Variants in EMG1 observed in about 807,000 individuals in gnomAD.
The protein encoded by EMG1 is ribosomal RNA small subunit methyltransferase NEP1.
EMG1 carries 24 observed loss-of-function variants against 26.9 expected under a neutral mutation model. The ratio of observed to expected loss-of-function variants is 0.89; its 90% confidence interval spans 0.65 to 1.26. The LOEUF (loss-of-function observed/expected upper bound fraction) is 1.26. EMG1 is among the 50% of genes most tolerant of loss of function. The pLI is 0.00. For synonymous variants in EMG1, 140 were observed against 112.6 expected (o/e 1.24, Z -1.54); for missense variants, 299 against 307.6 (o/e 0.97, Z 0.21).
exon 8 of EMG1, chr12:6,997,379 A>ATGTGTG (rs201579525): frequency 0.059 from 6,697 of 114,014 alleles, 256 homozygotes; most frequent in East Asian, 0.087. Flanking sequence ...ACAGCAAATT[A>ATGTGTG]TGTGTGTGTG....
At chr12:6,981,142 C>A, downstream of EMG1, 4 of 1,613,256 alleles carry the variant, frequency 2.5e-6, no homozygotes, top group Non-Finnish European at 3.4e-6. Context: ...GGAAGGAACA[C>A]CACGTATGGC....
chr12:6,975,053 C>T lies in EMG1; in HGVS notation c.413-37C>T, dbSNP rs782203986. On this transcript the variant is annotated intron_variant, in intron 3 of 5. Transcript: ENST00000599672. The stretch of plus-strand genomic sequence containing the variant: ...GATGACTGGACAGAAGGACTGTGGT[C>T]TCCATCTAGCTCTGAACTCTTTTTT... The T allele has an allele frequency of 1.9e-5, 30 of 1,603,568 alleles. No individual in the cohort carries two copies. In the East Asian group the frequency reaches 6.7e-4, roughly 36 times the overall value.
rs906784380 is a variant in EMG1 at position 6,970,986 on chromosome 12, C to A, written c.63C>A (p.Asp21Glu). Residue 21 changes from aspartate to glutamate, a missense_variant, in exon 1 of 6, where the codon GAC becomes GAA. Coordinates refer to ENST00000599672, the MANE Select transcript of EMG1 (RefSeq NM_006331.8). ...GAAGCGGTGGGGAGCAGGCACAGGA[C>A]TGGGATGCTCTGCCACCCAAGCGGC... Reference protein sequence around the residue: ...RERSGGEQAQDWDALPPKRPR... With the variant: ...RERSGGEQAQEWDALPPKRPR... The A allele has an allele frequency of 1.2e-6, 2 of 1,612,434 alleles. No individual in the cohort carries two copies. Among genetic ancestry groups the A allele is most frequent in the South Asian group, 2.2e-5 (2 of 90,742 alleles).
chr12:6,974,328 C>T lies in EMG1; in HGVS notation c.169-11C>T. The T allele has an allele frequency of 1.3e-6, 2 of 1,594,212 alleles. No homozygotes were observed. The highest frequency in any genetic ancestry group is 1.7e-6 in the Non-Finnish European group (2 of 1,163,960). Reference sequence around the variant, plus strand: ...TTATGCTGTTCTCTCGTCATGTTCCCTGTTCTTCAGGTAGGGAAGACATAT... The same window carrying T: ...TTATGCTGTTCTCTCGTCATGTTCCTTGTTCTTCAGGTAGGGAAGACATAT... On this transcript the variant is annotated splice_polypyrimidine_tract_variant and intron_variant, in intron 1 of 5. Coordinates refer to ENST00000599672, the MANE Select transcript of EMG1 (RefSeq NM_006331.8).
rs1443300237 is a variant in EMG1 at position 6,979,916 on chromosome 12, A to G, written c.*4107A>G. Reference sequence around the variant, plus strand: ...ACTGAAAACCCAGTGGAGGTAAGATAATAAAAATAACCACTTTGAATCTGC... The same window carrying G: ...ACTGAAAACCCAGTGGAGGTAAGATGATAAAAATAACCACTTTGAATCTGC... On this transcript the variant is annotated 3_prime_UTR_variant, in exon 6 of 6. Transcript: ENST00000599672. The G allele has an allele frequency of 4.0e-6, 1 of 247,082 alleles. No individual in the cohort carries two copies. The highest frequency in any genetic ancestry group is 7.7e-6 in the Non-Finnish European group (1 of 130,014). The allele number at this position is 247,082 out of a possible 1,614,324, so 15.3% of individuals were successfully genotyped here.
In EMG1 at chr12:6,971,049, G is replaced by C. The variant is rs17857448; in HGVS notation, c.126G>C (p.Arg42Ser). Residue 42 changes from arginine to serine, a missense_variant, in exon 1 of 6, where the codon AGG becomes AGC. Transcript: ENST00000599672. ...LGAGNKIGGR[R>S]LIVVLEGASL... is the part of the protein sequence containing the mutation. ...CAGGAAACAAGATCGGAGGCCGTAGGCTTATTGTGGTGCTGGAAGGGGCCA... is the reference window on the plus strand; with the variant it reads ...CAGGAAACAAGATCGGAGGCCGTAGCCTTATTGTGGTGCTGGAAGGGGCCA... 1.2e-6 allele frequency: 2 copies of C among 1,611,610 alleles called. No individual in the cohort carries two copies. The highest frequency in any genetic ancestry group is 2.2e-5 in the East Asian group (1 of 44,824).
At chr12:6,984,837 G>T (rs1302346460), downstream of EMG1, among the ~76,000 whole-genome samples, 2 of 152,100 alleles carry the variant, frequency 1.3e-5, no homozygotes, top group African/African-American at 4.8e-5. Context: ...TTCCTGCCTT[G>T]GCCTCCCAAA....
chr12:6,978,472 A>G lies in EMG1; in HGVS notation c.*2663A>G, dbSNP rs1289150670. 6 of 1,613,946 alleles carry G rather than the reference A, an allele frequency of 3.7e-6. No individual in the cohort carries two copies. Among genetic ancestry groups the G allele is most frequent in the Non-Finnish European group, 5.1e-6 (6 of 1,179,948 alleles). On this transcript the variant is annotated 3_prime_UTR_variant, in exon 6 of 6. Coordinates refer to ENST00000599672, the MANE Select transcript of EMG1 (RefSeq NM_006331.8). ...TTGCCTTGCCCTTTTCTTCAAAGCC[A>G]TTGAAGCCCAGGCCCGTCAAAATGC...
At position 6,975,228 on chromosome 12, in the gene EMG1, G is replaced by C. The variant is rs1381437733; in HGVS notation, c.472-1G>C. On this transcript the variant is annotated splice_acceptor_variant, in intron 4 of 5. Coordinates refer to ENST00000599672, the MANE Select transcript of EMG1 (RefSeq NM_006331.8). LOFTEE classifies it high-confidence loss of function. ...TGACTTTTCTCTCTTTTTTACTTTA[G>C]GTAATTAAGAATCCAGTATCAGATC... 1 of 1,613,892 alleles carries C rather than the reference G, an allele frequency of 6.2e-7. No homozygotes were observed. Among genetic ancestry groups the C allele is most frequent in the Non-Finnish European group, 8.5e-7 (1 of 1,179,830 alleles).
In EMG1 at chr12:6,978,555, C is replaced by A. The variant is rs782268991; in HGVS notation, c.*2746C>A. 1 of 1,612,698 alleles carries A rather than the reference C, an allele frequency of 6.2e-7. No individual in the cohort carries two copies. Among genetic ancestry groups the A allele is most frequent in the Admixed American group, 1.7e-5 (1 of 59,930 alleles). On this transcript the variant is annotated 3_prime_UTR_variant, in exon 6 of 6. Coordinates refer to ENST00000599672, the MANE Select transcript of EMG1 (RefSeq NM_006331.8). Reference sequence around the variant, plus strand: ...GGGCTCTTGCCACTCCCCATACTGGCCCCCATGGCTTGTCTAAATAGGACC... The same window carrying A: ...GGGCTCTTGCCACTCCCCATACTGGACCCCATGGCTTGTCTAAATAGGACC...
At chr12:6,993,451 G>C (rs1414485648) in intron 7 of EMG1, among the ~76,000 whole-genome samples, 1 of 151,470 alleles carries the variant, frequency 6.6e-6, no homozygotes, top group Non-Finnish European at 1.5e-5. Flanking sequence ...AAAAAAAAAA[G>C]GTTGTGCAGC....
chr12:6,974,548 T>C lies in EMG1; in HGVS notation c.271-4T>C, dbSNP rs1555152773. 6.2e-6 allele frequency: 10 copies of C among 1,613,240 alleles called. No individual in the cohort carries two copies. Among genetic ancestry groups the C allele is most frequent in the South Asian group, 1.1e-5 (1 of 91,072 alleles). On this transcript the variant is annotated splice_region_variant and splice_polypyrimidine_tract_variant and intron_variant, in intron 2 of 5. Transcript: ENST00000599672. ...AACCATGTCTCGGTTTCTGCTTTGC[T>C]CAGAGTTTGCTGATGCTGATGGATA...
chr12:6,974,980 T>C (rs1946375804), intron 3 of EMG1, 110 bp from the exon 4 acceptor site: 6 of 1,115,366 alleles, frequency 5.4e-6, no homozygotes, highest in Non-Finnish European at 6.8e-6. Context: ...CCAGTCTAGA[T>C]ATAAAGCACA....
chr12:6,986,602 G>T (rs1399466065), intron 6 of EMG1, among the ~76,000 whole-genome samples: 7 of 151,848 alleles, frequency 4.6e-5, no homozygotes, highest in African/African-American at 1.7e-4. Context: ...GGCTAACATG[G>T]TGAAATTCCG....
chr12:6,988,987 G>C (rs1226623269), downstream of EMG1, among the ~76,000 whole-genome samples: 1 of 152,132 alleles, frequency 6.6e-6, no homozygotes, highest in Middle Eastern at 3.4e-3. Flanking sequence ...TTAGCTGGGC[G>C]TGGTAGTGCA....
chr12:6,975,598 G>A, intron 5 of EMG1, 98 bp from the exon 6 acceptor site: 4 of 1,006,680 alleles, frequency 4.0e-6, no homozygotes, highest in Non-Finnish European at 6.4e-6. Context: ...CAACAGCACA[G>A]CTGAAATACT....
chr12:6,987,979 T>C lies in EMG1; in HGVS notation c.*211+141T>C. On this transcript the variant is annotated intron_variant and NMD_transcript_variant, in intron 7 of 7. Transcript: ENST00000261406. This position sits in a 1 kb window ranked among gnomAD's most constrained non-coding sequence, Gnocchi z 4.1. The stretch of plus-strand genomic sequence containing the variant: ...GTCACCTCTTGAACTTTTGGGGTGC[T>C]TGGCAATAGTTCCTCTCCCTACTCC... The C allele has an allele frequency of 2.5e-6, 1 of 397,356 alleles. No individual in the cohort carries two copies. The highest frequency in any genetic ancestry group is 3.6e-5 in the East Asian group (1 of 27,912). The allele number at this position is 397,356 out of a possible 1,614,324, so 24.6% of individuals were successfully genotyped here. A position where few individuals can be genotyped will look rare whatever the true frequency, so the allele number is the denominator to read the frequency against.
At position 6,978,252 on chromosome 12, in the gene EMG1, T is replaced by C. The variant is rs2138328048; in HGVS notation, c.*2443T>C. 2 of 1,435,816 alleles carry C rather than the reference T, an allele frequency of 1.4e-6. No homozygotes were observed. Among genetic ancestry groups the C allele is most frequent in the East Asian group, 4.6e-5 (2 of 43,556 alleles). The allele number at this position is 1,435,816 out of a possible 1,614,324, so 88.9% of individuals were successfully genotyped here. The stretch of plus-strand genomic sequence containing the variant: ...GTTCTGCCCAGATGGGAAAGACGCA[T>C]AGGGGTGACATGGTACACCCCTGCC... On this transcript the variant is annotated 3_prime_UTR_variant, in exon 6 of 6. Coordinates refer to ENST00000599672, the MANE Select transcript of EMG1 (RefSeq NM_006331.8).
downstream of EMG1, chr12:6,981,466 G>C (rs1170985536): frequency 3.2e-6 from 3 of 935,226 alleles, no homozygotes; most frequent in East Asian, 7.2e-5. Context: ...CTATCTGAAA[G>C]GGAGATTGCA....
Sources: allele counts gnomAD v4.1 joint callset (sites outside exome capture counted in the v4.1 genomes callset), GRCh38; gene constraint gnomAD v4.1.1; non-coding constraint Gnocchi (gnomAD v3.1); transcripts MANE v1.5; gene names NCBI Gene and HGNC (gene_info 2026-07-23, HGNC 2026-07-21).